The following OCRL variants were observed in gnomAD, a reference collection of about 807,000 sequenced individuals.
OCRL encodes the protein inositol polyphosphate 5-phosphatase OCRL.
Under a neutral mutation model 78.9 loss-of-function variants are expected in OCRL, and 8 were observed. The observed-to-expected ratio is 0.10, with a 90% confidence interval of 0.06 to 0.18. OCRL has a LOEUF of 0.18. OCRL is among the 10% of genes least tolerant of loss of function. The pLI is 1.00. For missense variants in OCRL, 454 were observed against 696.7 expected (o/e 0.65, Z 3.92); for synonymous variants, 240 against 235.4 (o/e 1.02, Z -0.18).
chrX:129,588,852 T>A, intron 21 of OCRL, 34 bp from the exon 22 acceptor site: 2 of 1,209,636 alleles, frequency 1.7e-6, no homozygotes, highest in Non-Finnish European at 2.2e-6. Flanking sequence ...GCCTTTCTCC[T>A]GGAGCTCCTT....
At chrX:129,554,876 C>T (rs1681784427) in intron 4 of OCRL, among the ~76,000 whole-genome samples, 1 of 108,161 alleles carries the variant, frequency 9.2e-6, no homozygotes, top group Non-Finnish European at 1.9e-5. Context: ...CACTTGAACC[C>T]GGGAGGTGGA....
chrX:129,571,370 T>G (rs1427284913), intron 15 of OCRL, among the ~76,000 whole-genome samples: 11 of 102,253 alleles, frequency 1.1e-4, no homozygotes, highest in African/African-American at 2.9e-4. Context: ...TTGGTTTTTT[T>G]TTTTTTTTTT....
chrX:129,573,106 TA>T lies in OCRL; in HGVS notation c.1603-2031del, dbSNP rs751622889. ...GCTATACTATGGACCCTGGTGATGGTAAAGTGATTGTTTGATCCTCGGTTCT... is the reference window on the plus strand; with the variant it reads ...GCTATACTATGGACCCTGGTGATGGTAAGTGATTGTTTGATCCTCGGTTCT... On this transcript the variant is annotated intron_variant, in intron 15 of 23. Coordinates refer to ENST00000371113, the MANE Select transcript of OCRL (RefSeq NM_000276.4). Among the ~76,000 whole-genome samples the T allele has an allele frequency of 3.0e-4, 34 of 112,461 alleles. 1 individual carries two copies. Among genetic ancestry groups the T allele is most frequent in the African/African-American group, 1.0e-3 (32 of 30,998 alleles).
At chrX:129,554,987 AT>A (rs1478274857) in intron 4 of OCRL, among the ~76,000 whole-genome samples, 39 of 106,048 alleles carry the variant, frequency 3.7e-4, no homozygotes, top group East Asian at 2.0e-3. Context: ...AAATAAATAA[AT>A]AAATAAATAA....
chrX:129,556,685 A>G (rs1323893903), intron 4 of OCRL, among the ~76,000 whole-genome samples: 3 of 112,086 alleles, frequency 2.7e-5, no homozygotes, highest in Non-Finnish European at 5.6e-5. Flanking sequence ...CTAGTTTCCA[A>G]TTGGCTGTAC....
chrX:129,549,053 A>AT (rs1040973103), intron 4 of OCRL, among the ~76,000 whole-genome samples: 20 of 109,639 alleles, frequency 1.8e-4, no homozygotes, highest in East Asian at 1.1e-3. Context: ...TATTTGTTGT[A>AT]TTTTTTTGGA....
chrX:129,556,922 G>A (rs191057352), intron 4 of OCRL, among the ~76,000 whole-genome samples: 154 of 112,183 alleles, frequency 1.4e-3, no homozygotes, highest in African/African-American at 4.6e-3. Flanking sequence ...AATGTGATCT[G>A]GACTTGAAAT....
At chrX:129,567,394 G>C (rs770184947) in intron 14 of OCRL, 31 bp downstream of exon 14, 2 of 1,006,529 alleles carry the variant, frequency 2.0e-6, no homozygotes, top group Non-Finnish European at 2.8e-6. Context: ...TCACAGAGAA[G>C]GTTAAGGCTT....
chrX:129,562,838 A>G (rs747246523), intron 12 of OCRL, 52 bp downstream of exon 12: 9 of 1,079,898 alleles, frequency 8.3e-6, no homozygotes, highest in Non-Finnish European at 9.0e-6. Flanking sequence ...AGGAGTTTGG[A>G]TAGTGTAGAG....
chrX:129,561,481 A>G (rs1936144650), intron 10 of OCRL, among the ~76,000 whole-genome samples, 188 bp downstream of exon 10: 1 of 111,799 alleles, frequency 8.9e-6, no homozygotes, highest in Non-Finnish European at 1.9e-5. Flanking sequence ...GCTTTCTGAT[A>G]CTATATTTTC....
At chrX:129,565,303 C>T (rs1936202559) in intron 12 of OCRL, among the ~76,000 whole-genome samples, 1 of 111,858 alleles carries the variant, frequency 8.9e-6, no homozygotes, top group South Asian at 3.8e-4. Context: ...CTAGAGAGCC[C>T]TGGACCTACT....
In OCRL at chrX:129,589,897, C is replaced by T; in HGVS notation, c.2522C>T (p.Ala841Val). Residue 841 changes from alanine to valine, a missense_variant, in exon 23 of 24, where the codon GCA becomes GTA. This residue lies in a region of OCRL where 277 missense variants were observed against 517.1 expected (regional missense o/e 0.54). Coordinates refer to ENST00000371113, the MANE Select transcript of OCRL (RefSeq NM_000276.4). ...CHRNVFRYLM[A>V]FLRELLKFSE... ...AGAAATGTTTTCCGTTACTTGATGG[C>T]ATTCCTTCGAGAACTCTTAAAATTC... The T allele has an allele frequency of 8.3e-7, 1 of 1,210,443 alleles. No individual in the cohort carries two copies. The highest frequency in any genetic ancestry group is 1.1e-6 in the Non-Finnish European group (1 of 894,212).
At chrX:129,549,955 A>G (rs772905967) in intron 4 of OCRL, 1 of 111,962 alleles carries the variant, frequency 8.9e-6, no homozygotes, top group Admixed American at 9.5e-5. Context: ...TGTTATTTCT[A>G]CCCATTTAGT....
At chrX:129,577,822 T>C (rs1469296465) in intron 18 of OCRL, among the ~76,000 whole-genome samples, 1 of 112,442 alleles carries the variant, frequency 8.9e-6, no homozygotes, top group African/African-American at 3.2e-5. Flanking sequence ...TTTTTCATGA[T>C]AATTGTTTTT....
At chrX:129,555,000 T>TAAATAAATAAAAAAAA (rs745690077) in intron 4 of OCRL, among the ~76,000 whole-genome samples, 1 of 95,569 alleles carries the variant, frequency 1.0e-5, no homozygotes, top group African/African-American at 4.2e-5. Flanking sequence ...AATAAATAAA[T>TAAATAAATAAAAAAAA]AAAAATAAGA....
rs182215503 is a variant in OCRL, at chrX:129,576,160, A to G, written c.1879+98A>G. ...TTCTAACCACATGTCTCTTACCTTTACTGTCATATTGGTGATACCTCTGGT... is the reference window on the plus strand; with the variant it reads ...TTCTAACCACATGTCTCTTACCTTTGCTGTCATATTGGTGATACCTCTGGT... On this transcript the variant is annotated intron_variant, in intron 17 of 23. Coordinates refer to ENST00000371113, the MANE Select transcript of OCRL (RefSeq NM_000276.4). The G allele has an allele frequency of 8.7e-5, 85 of 981,021 alleles. No homozygotes were observed. In the East Asian group the frequency reaches 2.5e-3, roughly 29 times the overall value. 80.8% of individuals were successfully genotyped at this position (981,021 alleles called of 1,213,427 possible).
intron 12 of OCRL, among the ~76,000 whole-genome samples, chrX:129,564,874 T>C (rs868294802): frequency 1.7e-4 from 19 of 110,849 alleles, no homozygotes; most frequent in African/African-American, 6.2e-4. Flanking sequence ...AATAATAAAA[T>C]AAAATTTAAA....
intron 15 of OCRL, among the ~76,000 whole-genome samples, chrX:129,574,883 C>T (rs927015862): frequency 8.9e-6 from 1 of 112,195 alleles, no homozygotes; most frequent in Non-Finnish European, 1.9e-5. Context: ...TTTATGTTTG[C>T]TTTAGTGACC....
rs771011446 is a variant in OCRL, at chrX:129,575,253, G to A, written c.1713+3G>A. 1.7e-5 allele frequency: 19 copies of A among 1,107,148 alleles called. No individual in the cohort carries two copies. Among genetic ancestry groups the A allele is most frequent in the Non-Finnish European group, 1.2e-6 (1 of 802,118 alleles). 91.2% of individuals were successfully genotyped at this position (1,107,148 alleles called of 1,213,427 possible). A position where few individuals can be genotyped will look rare whatever the true frequency, so the allele number is the denominator to read the frequency against. ...CCTTAGAACTCAGCAGGAGGGAGGT[G>A]AGCAAAAATACATGATCTCCCTGTC... is the stretch of plus-strand genomic sequence containing the variant. On this transcript the variant is annotated splice_donor_region_variant and intron_variant, in intron 16 of 23. Transcript: ENST00000371113.
Sources: allele counts gnomAD v4.1 joint callset (sites outside exome capture counted in the v4.1 genomes callset), GRCh38; gene constraint gnomAD v4.1.1; regional missense constraint gnomAD v4.1.1; transcripts MANE v1.5; gene names NCBI Gene and HGNC (gene_info 2026-07-23, HGNC 2026-07-21).